RCBTB1: variants seen among roughly 807,000 people sequenced by gnomAD.
RCBTB1 encodes RCC1 and BTB domain containing protein 1, also known as RCC1 and BTB domain-containing protein 1.
A neutral mutation model predicts 62.4 loss-of-function variants in RCBTB1; 46 were observed. The ratio of observed to expected loss-of-function variants is 0.74; its 90% confidence interval spans 0.58 to 0.94. The LOEUF (loss-of-function observed/expected upper bound fraction) is 0.94, where lower values mean the gene tolerates loss of function less well. RCBTB1 is among the 40% of genes least tolerant of loss of function. RCBTB1 has a pLI of 0.00. For synonymous variants in RCBTB1, 222 were observed against 245.8 expected (o/e 0.90, Z 0.91); for missense variants, 565 against 654.9 (o/e 0.86, Z 1.50).
chr13:49,552,413 A>ACTT lies in RCBTB1; in HGVS notation c.604-129_604-128insAAG, dbSNP rs1267206448. On this transcript the variant is annotated intron_variant, in intron 6 of 12. Transcript: ENST00000378302. ...CTATATTCTACTCTATGCTCCTGCA[A>ACTT]CTGATCTCCAAACAGAAGCTATTTT... The ACTT allele has an allele frequency of 9.4e-5, 55 of 586,576 alleles. No individual in the cohort carries two copies. In the African/African-American group the frequency reaches 9.6e-4, roughly 10 times the overall value. The allele number at this position is 586,576 out of a possible 1,614,324, so 36.3% of individuals were successfully genotyped here. A position where few individuals can be genotyped will look rare whatever the true frequency, so the allele number is the denominator to read the frequency against.
At chr13:49,545,593 A>G (rs938646811) in intron 9 of RCBTB1, among the ~76,000 whole-genome samples, 1 of 152,226 alleles carries the variant, frequency 6.6e-6, no homozygotes, top group Non-Finnish European at 1.5e-5. Context: ...GCACTTGTAC[A>G]AATTCCCGGA....
intron 12 of RCBTB1, among the ~76,000 whole-genome samples, chr13:49,535,690 G>A (rs191415068): frequency 2.6e-5 from 4 of 152,242 alleles, no homozygotes; most frequent in Admixed American, 1.3e-4. Context: ...AGATGCCCTA[G>A]AGTAAACTCC....
rs996608786 is a variant in RCBTB1 at position 49,540,824 on chromosome 13, G to A, written c.1455+52C>T. 13 of 1,575,244 alleles carry A rather than the reference G, an allele frequency of 8.3e-6. No individual in the cohort carries two copies. In the Admixed American group the frequency reaches 1.3e-4, roughly 15 times the overall value. On this transcript the variant is annotated intron_variant, in intron 12 of 12. Transcript: ENST00000378302. Reference sequence around the variant, plus strand: ...GCCTCACGCAAGAAGCGGGGGAGACGAGCACAAAGGGAGTTAAAGGTGGTC... The same window carrying A: ...GCCTCACGCAAGAAGCGGGGGAGACAAGCACAAAGGGAGTTAAAGGTGGTC...
At chr13:49,577,252 G>A (rs1008106406) in intron 2 of RCBTB1, among the ~76,000 whole-genome samples, 1 of 152,176 alleles carries the variant, frequency 6.6e-6, no homozygotes, top group Non-Finnish European at 1.5e-5. Context: ...ATTCCCCTAA[G>A]AGCACATTTA....
chr13:49,544,948 G>T, intron 9 of RCBTB1, 85 bp from the exon 10 acceptor site: 6 of 995,032 alleles, frequency 6.0e-6, no homozygotes, highest in East Asian at 3.2e-5. Flanking sequence ...CATCATGACC[G>T]TGATGGATAA....
At position 49,555,517 on chromosome 13, in the gene RCBTB1, C is replaced by G. The variant is rs770474031; in HGVS notation, c.601G>C (p.Glu201Gln). Residue 201 changes from glutamate to glutamine, a missense_variant and splice_region_variant, in exon 6 of 13, where the codon GAG becomes CAG. Coordinates refer to ENST00000378302, the MANE Select transcript of RCBTB1 (RefSeq NM_018191.4). ...TSSMAVLDNG[E>Q]VYGWGYNGNG... ...AAATGGGAGTGGAGACACCTCACCT[C>G]GCCATTGTCCAGAACAGCCATGGAT... 15 of 1,612,956 alleles carry G rather than the reference C, an allele frequency of 9.3e-6. No homozygotes were observed. The highest frequency in any genetic ancestry group is 1.2e-5 in the Non-Finnish European group (14 of 1,179,126).
At chr13:49,555,057 C>T (rs1273477608) in intron 6 of RCBTB1, among the ~76,000 whole-genome samples, 1 of 152,194 alleles carries the variant, frequency 6.6e-6, no homozygotes, top group Non-Finnish European at 1.5e-5. Flanking sequence ...AAGTAGCTAA[C>T]AACAGTCAGG....
rs1451841501 is a variant in RCBTB1 at position 49,532,751 on chromosome 13, G to A, written c.*1371C>T. The A allele has an allele frequency of 6.6e-6, 1 of 152,028 alleles. No homozygotes were observed. Among genetic ancestry groups the A allele is most frequent in the Non-Finnish European group, 1.5e-5 (1 of 68,018 alleles). 9.4% of individuals were successfully genotyped at this position (152,028 alleles called of 1,614,324 possible). On this transcript the variant is annotated 3_prime_UTR_variant, in exon 13 of 13. Coordinates refer to ENST00000378302, the MANE Select transcript of RCBTB1 (RefSeq NM_018191.4). The stretch of plus-strand genomic sequence containing the variant: ...CTTCACCCACTTGTAATTTGGCTCT[G>A]AAAATGTATTCAGGCTCCAGGTTCA...
chr13:49,544,661 T>TA lies in RCBTB1; in HGVS notation c.1172+75dup, dbSNP rs1329209374. ...TCTCTCTACTACCAAGGCTATTTTTTATCAGTACTCATTTTGTGGAATAAC... is the reference window on the plus strand; with the variant it reads ...TCTCTCTACTACCAAGGCTATTTTTTAATCAGTACTCATTTTGTGGAATAAC... On this transcript the variant is annotated intron_variant, in intron 10 of 12. Coordinates refer to ENST00000378302, the MANE Select transcript of RCBTB1 (RefSeq NM_018191.4). 11 of 1,223,094 alleles carry TA rather than the reference T, an allele frequency of 9.0e-6. No individual in the cohort carries two copies. In the African/African-American group the frequency reaches 1.5e-4, roughly 17 times the overall value. 75.8% of individuals were successfully genotyped at this position (1,223,094 alleles called of 1,614,324 possible). A position where few individuals can be genotyped will look rare whatever the true frequency, so the allele number is the denominator to read the frequency against.
intron 9 of RCBTB1, chr13:49,547,011 A>G: frequency 1.7e-6 from 2 of 1,196,050 alleles, no homozygotes; most frequent in Non-Finnish European, 1.1e-6. Context: ...ATTTTAAGAT[A>G]TAAGAACTGG....
chr13:49,542,846 C>A (rs951309477), intron 10 of RCBTB1, among the ~76,000 whole-genome samples: 5 of 152,182 alleles, frequency 3.3e-5, no homozygotes, highest in Non-Finnish European at 5.9e-5. Flanking sequence ...TTTACATGTA[C>A]AAAGCCACCT....
chr13:49,584,803 A>G (rs1359541), intron 1 of RCBTB1, among the ~76,000 whole-genome samples: 77,722 of 152,024 alleles, frequency 0.51, 20,850 homozygotes, highest in Non-Finnish European at 0.62. Context: ...GCAAATAAAT[A>G]AAAACAAAAG....
intron 11 of RCBTB1, 71 bp from the exon 12 acceptor site, chr13:49,541,077 G>A: frequency 7.5e-7 from 1 of 1,341,738 alleles, no homozygotes; most frequent in Non-Finnish European, 1.0e-6. Context: ...TTTTGTTTTG[G>A]TGAACAGAGG....
Position 49,584,561 on chromosome 13 carries a change from C to G in RCBTB1, c.-122+883G>C, listed in dbSNP as rs531215700. ...CTCAGGATTCAATCATTTTTCCATT[C>G]CTTCCGGCATTATATACTTTGATGT... is the stretch of plus-strand genomic sequence containing the variant. On this transcript the variant is annotated intron_variant, in intron 1 of 12. Transcript: ENST00000378302. Among the ~76,000 whole-genome samples the G allele has an allele frequency of 8.6e-4, 131 of 152,276 alleles. 1 individual carries two copies. The South Asian group carries it at 0.01, about 12-fold the overall frequency.
chr13:49,581,702 T>C (rs572953539), intron 1 of RCBTB1, among the ~76,000 whole-genome samples: 52 of 151,894 alleles, frequency 3.4e-4, no homozygotes, highest in Middle Eastern at 6.8e-3. Flanking sequence ...AAGGAAGAGG[T>C]AGACCAGGAG....
intron 2 of RCBTB1, among the ~76,000 whole-genome samples, chr13:49,574,956 A>G (rs1429680934): frequency 6.6e-6 from 1 of 152,258 alleles, no homozygotes; most frequent in African/African-American, 2.4e-5. Flanking sequence ...CCCTGAAGAC[A>G]TTATGCTAAT....
At chr13:49,563,524 A>G (rs1256040797) in intron 4 of RCBTB1, among the ~76,000 whole-genome samples, 2 of 152,106 alleles carry the variant, frequency 1.3e-5, no homozygotes, top group African/African-American at 4.8e-5. Context: ...TTAGCCAGGC[A>G]TGGTAGCATA....
At chr13:49,571,145 G>A (rs914564217) in intron 2 of RCBTB1, among the ~76,000 whole-genome samples, 8 of 152,126 alleles carry the variant, frequency 5.3e-5, no homozygotes, top group East Asian at 1.9e-4. Flanking sequence ...TGGGGAGTTC[G>A]AGACCAGCCT....
chr13:49,532,595 G>A lies in RCBTB1; in HGVS notation c.*1527C>T, dbSNP rs546456410. On this transcript the variant is annotated 3_prime_UTR_variant, in exon 13 of 13. Coordinates refer to ENST00000378302, the MANE Select transcript of RCBTB1 (RefSeq NM_018191.4). ...ATCACTTGTGATATGGTCAAGAAAA[G>A]GGGGCTGGGGCTCCTAGGCTTGTAT... 1 of 152,504 alleles carries A rather than the reference G, an allele frequency of 6.6e-6. No homozygotes were observed. Among genetic ancestry groups the A allele is most frequent in the African/African-American group, 2.4e-5 (1 of 41,528 alleles). 9.4% of individuals were successfully genotyped at this position (152,504 alleles called of 1,614,324 possible).
Sources: allele counts gnomAD v4.1 joint callset (sites outside exome capture counted in the v4.1 genomes callset), GRCh38; gene constraint gnomAD v4.1.1; transcripts MANE v1.5; gene names NCBI Gene and HGNC (gene_info 2026-07-23, HGNC 2026-07-21).